Variants in ATP2C1 observed in about 807,000 individuals in gnomAD.
The protein encoded by ATP2C1 is ATPase secretory pathway Ca2+ transporting 1, also known as calcium-transporting ATPase type 2C member 1.
In ATP2C1, 31 loss-of-function variants were observed where a neutral mutation model predicts 120.5. The ratio of observed to expected loss-of-function variants is 0.26; its 90% CI spans 0.19 to 0.35. The LOEUF is 0.35. Ranked by LOEUF, ATP2C1 falls within the 10% of genes least tolerant of loss-of-function variation. The pLI is 1.00. For missense variants in ATP2C1, 731 were observed against 1,107.5 expected (o/e 0.66, Z 4.83); for synonymous variants, 351 against 358.7 (o/e 0.98, Z 0.24).
At chr3:130,956,739 A>G (rs1390889238) in intron 11 of ATP2C1, among the ~76,000 whole-genome samples, 1 of 152,138 alleles carries the variant, frequency 6.6e-6, no homozygotes, top group Non-Finnish European at 1.5e-5. Context: ...GGCCAGCTTT[A>G]AGTATTGTCA....
chr3:130,951,554 A>C (rs1254226711), intron 8 of ATP2C1, among the ~76,000 whole-genome samples: 1 of 152,192 alleles, frequency 6.6e-6, no homozygotes, highest in East Asian at 1.9e-4. Flanking sequence ...TACCTTGCTA[A>C]TAAATGTGTT....
chr3:130,918,070 C>G (rs1431350906), intron 2 of ATP2C1, among the ~76,000 whole-genome samples: 1 of 151,904 alleles, frequency 6.6e-6, no homozygotes, highest in African/African-American at 2.4e-5. Flanking sequence ...ATATAGTGCT[C>G]CCTTCCTACG....
chr3:130,870,407 T>G (rs1308917847), intron 1 of ATP2C1, among the ~76,000 whole-genome samples: 1 of 152,224 alleles, frequency 6.6e-6, no homozygotes, highest in East Asian at 1.9e-4. Flanking sequence ...CAAAGTAAAC[T>G]GAAAACTTTC....
intron 1 of ATP2C1, among the ~76,000 whole-genome samples, chr3:130,882,919 A>G (rs1325670958): frequency 6.6e-6 from 1 of 152,152 alleles, no homozygotes; most frequent in Non-Finnish European, 1.5e-5. Context: ...TTTGAGTAGC[A>G]TTGGTATTAG....
At chr3:130,974,765 G>A (rs770477837) in intron 17 of ATP2C1, among the ~76,000 whole-genome samples, 1 of 152,122 alleles carries the variant, frequency 6.6e-6, no homozygotes, top group Non-Finnish European at 1.5e-5. Context: ...AAAAACATGA[G>A]GGTAAATATC....
chr3:130,976,889 G>T (rs1206825188), intron 18 of ATP2C1, among the ~76,000 whole-genome samples: 1 of 152,188 alleles, frequency 6.6e-6, no homozygotes, highest in African/African-American at 2.4e-5. Context: ...TGACACTCTG[G>T]ATAATTGAGC....
chr3:130,940,905 ATTTTTTTTTTT>A (rs749879416), intron 7 of ATP2C1, among the ~76,000 whole-genome samples: 84 of 86,112 alleles, frequency 9.8e-4, no homozygotes, highest in Non-Finnish European at 1.4e-3. Context: ...TATTTAACAG[ATTTTTTTTTTT>A]TTTTTTTTTT....
intron 8 of ATP2C1, among the ~76,000 whole-genome samples, chr3:130,948,697 T>C (rs2060248647): frequency 6.6e-6 from 1 of 152,108 alleles, no homozygotes; most frequent in African/African-American, 2.4e-5. Flanking sequence ...TCAAAGATAA[T>C]GCATTTAAAA....
intron 18 of ATP2C1, among the ~76,000 whole-genome samples, chr3:130,976,980 C>T (rs1474659871): frequency 6.6e-6 from 1 of 152,214 alleles, no homozygotes; most frequent in African/African-American, 2.4e-5. Flanking sequence ...CTCAGATACT[C>T]TGGCTCAGGG....
At chr3:130,970,701 T>A (rs936538333) in intron 17 of ATP2C1, among the ~76,000 whole-genome samples, 7 of 152,152 alleles carry the variant, frequency 4.6e-5, no homozygotes, top group African/African-American at 1.7e-4. Context: ...ACTTATTTGT[T>A]ATTTTTATAG....
exon 27 of ATP2C1, chr3:131,016,528 T>C (rs2063640359): frequency 3.0e-6 from 2 of 674,662 alleles, no homozygotes; most frequent in Non-Finnish European, 4.9e-6. Context: ...GTCTTTTTAA[T>C]GATGACCTAA....
chr3:130,878,720 G>A (rs565136725), intron 1 of ATP2C1, among the ~76,000 whole-genome samples: 1 of 152,036 alleles, frequency 6.6e-6, no homozygotes, highest in African/African-American at 2.4e-5. Flanking sequence ...TTCTCTCCTG[G>A]CCTATAAGGT....
intron 2 of ATP2C1, among the ~76,000 whole-genome samples, chr3:130,910,636 T>C (rs1257156081): frequency 2.2e-5 from 1 of 46,504 alleles, no homozygotes; most frequent in Non-Finnish European, 4.8e-5. Context: ...ATACCTAATT[T>C]ATTGAGAGTT....
At chr3:131,013,928 C>G in intron 26 of ATP2C1, 1 of 598,788 alleles carries the variant, frequency 1.7e-6, no homozygotes, top group Admixed American at 3.5e-5. Flanking sequence ...ACTTGGAATT[C>G]AGATTATTGT....
chr3:130,939,580 TC>T (rs1473088325), intron 6 of ATP2C1, among the ~76,000 whole-genome samples: 3 of 152,218 alleles, frequency 2.0e-5, no homozygotes, highest in Non-Finnish European at 4.4e-5. Flanking sequence ...AGCATCTATG[TC>T]ATTTATTACT....
intron 1 of ATP2C1, among the ~76,000 whole-genome samples, chr3:130,870,753 A>T (rs1179531310): frequency 6.6e-6 from 1 of 152,238 alleles, no homozygotes; most frequent in Non-Finnish European, 1.5e-5. Flanking sequence ...TGTTGAAATG[A>T]TGACAAAGGA....
chr3:130,940,755 A>C (rs201326242), intron 7 of ATP2C1, 64 bp downstream of exon 7: 1 of 1,197,672 alleles, frequency 8.3e-7, no homozygotes, highest in Non-Finnish European at 1.2e-6. Context: ...TGTGACTAGT[A>C]CCGTACATAT....
At chr3:130,881,544 A>C (rs528220035) in intron 1 of ATP2C1, among the ~76,000 whole-genome samples, 2 of 152,200 alleles carry the variant, frequency 1.3e-5, no homozygotes, top group South Asian at 4.1e-4. Flanking sequence ...TTTTTTGTAG[A>C]GATGACGTTT....
At chr3:130,913,181 G>A (rs1417258465) in intron 2 of ATP2C1, among the ~76,000 whole-genome samples, 2 of 149,890 alleles carry the variant, frequency 1.3e-5, no homozygotes, top group Admixed American at 1.3e-4. Context: ...CACCAGCATG[G>A]CACATGTATA....
Sources: allele counts gnomAD v4.1 joint callset (sites outside exome capture counted in the v4.1 genomes callset), GRCh38; gene constraint gnomAD v4.1.1; transcripts MANE v1.5; gene names NCBI Gene and HGNC (gene_info 2026-07-23, HGNC 2026-07-21).